ANKRD28: variants seen among roughly 807,000 people sequenced by gnomAD.
ANKRD28 encodes serine/threonine-protein phosphatase 6 regulatory ankyrin repeat subunit A.
Under a neutral mutation model 126.5 loss-of-function variants are expected in ANKRD28, and 44 were observed. The observed-to-expected ratio is 0.35, with a 90% confidence interval of 0.27 to 0.45. The LOEUF (loss-of-function observed/expected upper bound fraction) is 0.45, where lower values mean the gene tolerates loss of function less well. Ranked by LOEUF, ANKRD28 falls within the 20% of genes least tolerant of loss-of-function variation. The pLI, the probability that ANKRD28 is intolerant of heterozygous loss-of-function variation, is 1.00. For synonymous variants in ANKRD28, 442 were observed against 468.5 expected (o/e 0.94, Z 0.73); for missense variants, 1,110 against 1,316.6 (o/e 0.84, Z 2.43).
At chr3:15,729,455 G>T (rs557255443) in intron 6 of ANKRD28, among the ~76,000 whole-genome samples, 1 of 152,110 alleles carries the variant, frequency 6.6e-6, no homozygotes, top group African/African-American at 2.4e-5. Flanking sequence ...TTTCGTAAAC[G>T]GAATCATTAA....
intron 14 of ANKRD28, among the ~76,000 whole-genome samples, chr3:15,700,289 G>A (rs2070366071): frequency 6.6e-6 from 1 of 152,050 alleles, no homozygotes; most frequent in Admixed American, 6.6e-5. Flanking sequence ...ATACACCGGG[G>A]CCTGTCCGGG....
intron 6 of ANKRD28, among the ~76,000 whole-genome samples, chr3:15,727,296 G>T (rs371055198): frequency 3.6e-4 from 55 of 152,194 alleles, no homozygotes; most frequent in African/African-American, 1.3e-3. Context: ...AACATACCTG[G>T]CCAGGTGCGG....
At chr3:15,857,794 T>C (rs1046825478) in intron 1 of ANKRD28, among the ~76,000 whole-genome samples, 1 of 152,246 alleles carries the variant, frequency 6.6e-6, no homozygotes, top group Non-Finnish European at 1.5e-5. Context: ...TCACCAAATT[T>C]CTAATGCACA....
rs2061538936 is a variant in ANKRD28 at position 15,846,686 on chromosome 3, T to A, written c.27+12691A>T. Among the ~76,000 whole-genome samples the A allele has an allele frequency of 6.6e-6, 1 of 152,208 alleles. No individual in the cohort carries two copies. Among genetic ancestry groups the A allele is most frequent in the African/African-American group, 2.4e-5 (1 of 41,442 alleles). ...ACATAACAGAATAGGTTATTTTTAT[T>A]TCATGCTCACATAAAGTCAAAAAAT... On this transcript the variant is annotated intron_variant, in intron 1 of 27. Transcript: ENST00000399451. The surrounding 1 kb of genome is among the most constrained non-coding windows in gnomAD (Gnocchi z 5.4).
At chr3:15,782,177 T>C (rs2059570309) in intron 2 of ANKRD28, among the ~76,000 whole-genome samples, 1 of 152,078 alleles carries the variant, frequency 6.6e-6, no homozygotes, top group Non-Finnish European at 1.5e-5. Context: ...TTAGGAGTGA[T>C]ATCACCTCCA....
intron 1 of ANKRD28, among the ~76,000 whole-genome samples, chr3:15,859,094 G>T (rs2061842515): frequency 6.6e-6 from 1 of 152,164 alleles, no homozygotes. Context: ...GCGATTGCCC[G>T]GCAGCTCGCC....
At chr3:15,694,872 C>G in intron 16 of ANKRD28, 59 bp from the exon 17 acceptor site, 2 of 1,494,918 alleles carry the variant, frequency 1.3e-6, no homozygotes, top group Non-Finnish European at 1.9e-6. Flanking sequence ...TTATTCTCTC[C>G]CACCCACCCA....
At chr3:15,711,885 G>A (rs2072337654) in intron 11 of ANKRD28, among the ~76,000 whole-genome samples, 1 of 151,060 alleles carries the variant, frequency 6.6e-6, no homozygotes, top group East Asian at 1.9e-4. Flanking sequence ...TAGTAGAGAT[G>A]GGCTTTCACC....
At chr3:15,742,303 C>A (rs529656558) in intron 4 of ANKRD28, among the ~76,000 whole-genome samples, 7 of 151,652 alleles carry the variant, frequency 4.6e-5, no homozygotes, top group African/African-American at 1.7e-4. Flanking sequence ...AGCGCCTCTT[C>A]CCGGCTGCCA....
intron 1 of ANKRD28, among the ~76,000 whole-genome samples, chr3:15,807,048 T>C (rs369937191): frequency 6.6e-6 from 1 of 152,252 alleles, no homozygotes; most frequent in African/African-American, 2.4e-5. Context: ...ATATATGACC[T>C]ACGCTCCTTT....
intron 4 of ANKRD28, among the ~76,000 whole-genome samples, chr3:15,739,180 G>C (rs527370325): frequency 6.6e-6 from 1 of 152,218 alleles, no homozygotes; most frequent in Admixed American, 6.5e-5. Flanking sequence ...TACATCCTCA[G>C]CTTACAAAGA....
At chr3:15,844,143 A>T (rs553005048) in intron 1 of ANKRD28, among the ~76,000 whole-genome samples, 2 of 152,162 alleles carry the variant, frequency 1.3e-5, no homozygotes, top group Non-Finnish European at 2.9e-5. Context: ...TGCCTACAAC[A>T]CCCAGTCTGG....
intron 1 of ANKRD28, among the ~76,000 whole-genome samples, chr3:15,832,868 G>A (rs773419958): frequency 1.1e-4 from 16 of 152,158 alleles, no homozygotes; most frequent in East Asian, 7.7e-4. Flanking sequence ...TATATGCTAC[G>A]GTGAATAGCG....
chr3:15,793,412 A>C (rs1267202497), intron 2 of ANKRD28, among the ~76,000 whole-genome samples: 1 of 152,240 alleles, frequency 6.6e-6, no homozygotes, highest in Non-Finnish European at 1.5e-5. Flanking sequence ...GACAATTGTC[A>C]AAGAGTTACT....
Position 15,755,258 on chromosome 3 carries a change from C to A in ANKRD28, c.281-3438G>T, listed in dbSNP as rs546409473. Among the ~76,000 whole-genome samples the A allele has an allele frequency of 1.1e-4, 16 of 152,250 alleles. 1 individual carries two copies. The South Asian group carries it at 3.1e-3, about 30-fold the overall frequency. ...AAATCAGGGCTATATCTGAGGGCAA[C>A]AATGAAACAATATTCCCCCACCAAC... On this transcript the variant is annotated intron_variant, in intron 3 of 27. Transcript: ENST00000683139.
At chr3:15,753,559 C>T (rs2057988995) in intron 3 of ANKRD28, among the ~76,000 whole-genome samples, 2 of 152,176 alleles carry the variant, frequency 1.3e-5, no homozygotes, top group South Asian at 4.1e-4. Context: ...ACACAGACAC[C>T]TAGTACAGAC....
intron 2 of ANKRD28, among the ~76,000 whole-genome samples, chr3:15,783,665 A>G (rs950981525): frequency 1.3e-5 from 2 of 152,066 alleles, no homozygotes; most frequent in Non-Finnish European, 1.5e-5. Flanking sequence ...TTACAATGGA[A>G]TACTACTCAG....
intron 1 of ANKRD28, among the ~76,000 whole-genome samples, chr3:15,819,694 C>G (rs1191791361): frequency 6.6e-6 from 1 of 152,066 alleles, no homozygotes; most frequent in Non-Finnish European, 1.5e-5. Context: ...AGATGCATAC[C>G]AATGTATTAA....
chr3:15,682,551 T>A (rs2067656118), intron 21 of ANKRD28, among the ~76,000 whole-genome samples: 1 of 152,214 alleles, frequency 6.6e-6, no homozygotes, highest in Non-Finnish European at 1.5e-5. Flanking sequence ...TTTAAAGGAA[T>A]AATAAGTATT....
Sources: gnomAD v4.1 joint callset for allele counts (sites outside exome capture counted in the v4.1 genomes callset) on GRCh38, gnomAD v4.1.1 for gene constraint, Gnocchi (gnomAD v3.1) non-coding constraint, MANE v1.5 for transcripts, NCBI Gene and HGNC (gene_info 2026-07-23, HGNC 2026-07-21) for gene names.